The following CENPP variants were observed in gnomAD, a reference collection of about 807,000 sequenced individuals.
CENPP encodes centromere protein P.
CENPP carries 24 observed loss-of-function variants against 35.6 expected under a neutral mutation model. The ratio of observed to expected loss-of-function variants is 0.67; its 90% CI spans 0.49 to 0.95. The LOEUF is 0.95. Ranked by LOEUF, CENPP falls within the 40% of genes least tolerant of loss-of-function variation. CENPP has a pLI of 0.00. For synonymous variants in CENPP, 120 were observed against 125.5 expected (o/e 0.96, Z 0.29); for missense variants, 332 against 345.3 (o/e 0.96, Z 0.31).
At chr9:92,535,197 TCTAAA>T (rs1202713230) in intron 5 of CENPP, among the ~76,000 whole-genome samples, 4 of 152,230 alleles carry the variant, frequency 2.6e-5, no homozygotes, top group African/African-American at 9.6e-5. Context: ...AAAATCAGTA[TCTAAA>T]CAGTCTCACT....
At chr9:92,442,354 C>T (rs150357744) in intron 5 of CENPP, among the ~76,000 whole-genome samples, 3,794 of 142,560 alleles carry the variant, frequency 0.027, 97 homozygotes, top group South Asian at 0.13. Context: ...GCCGAGGTCG[C>T]GCCATTGCAC....
chr9:92,411,784 C>T (rs1225443605), intron 5 of CENPP, among the ~76,000 whole-genome samples: 1 of 152,164 alleles, frequency 6.6e-6, no homozygotes, highest in Non-Finnish European at 1.5e-5. Flanking sequence ...TTTATATTAA[C>T]CCCAGTCAGG....
At chr9:92,425,806 C>CTGTTAGTGTTTTCTGTTAGTGT (rs1564314418) in intron 5 of CENPP, among the ~76,000 whole-genome samples, 1 of 152,174 alleles carries the variant, frequency 6.6e-6, no homozygotes, top group Non-Finnish European at 1.5e-5. Flanking sequence ...CTGATCTTTT[C>CTGTTAGTGTTTTCTGTTAGTGT]CATATGTTTT....
rs1017447535 is a variant in CENPP at position 92,566,306 on chromosome 9, A to G, written c.565-45008A>G. 2.6e-5 allele frequency among the ~76,000 whole-genome samples: 4 copies of G among 151,984 alleles called. No homozygotes were observed. The East Asian group carries it at 7.7e-4, about 29-fold the overall frequency. On this transcript the variant is annotated intron_variant, in intron 5 of 7. Transcript: ENST00000375587. ...CAGAGTGAGTCTCCATCTCAAAAAA[A>G]AAAAACAAAAACACAAAAAGACATA...
chr9:92,611,402 G>A lies in CENPP; in HGVS notation c.644+9G>A, dbSNP rs1258614121. 1 of 1,609,736 alleles carries A rather than the reference G, an allele frequency of 6.2e-7. No homozygotes were observed. The highest frequency in any genetic ancestry group is 1.3e-5 in the African/African-American group (1 of 74,980). ...AGCGCCAGCCGGCCAGGGTGAGCCTGCACAGGCCATGGGGCCTCCCATTTC... is the reference window on the plus strand; with the variant it reads ...AGCGCCAGCCGGCCAGGGTGAGCCTACACAGGCCATGGGGCCTCCCATTTC... On this transcript the variant is annotated intron_variant, in intron 6 of 7. Coordinates refer to ENST00000375587, the MANE Select transcript of CENPP (RefSeq NM_001012267.3).
At chr9:92,611,180 T>C (rs1851229858) in intron 5 of CENPP, 134 bp from the exon 6 acceptor site, 3 of 707,510 alleles carry the variant, frequency 4.2e-6, no homozygotes. Flanking sequence ...GAGGGGCGGT[T>C]GGCACCCATG....
chr9:92,436,319 T>C (rs1055213419), intron 5 of CENPP, among the ~76,000 whole-genome samples: 3 of 152,244 alleles, frequency 2.0e-5, no homozygotes, highest in African/African-American at 7.2e-5. Context: ...TTGTAGGATA[T>C]GTAGTTTGCA....
intron 5 of CENPP, among the ~76,000 whole-genome samples, chr9:92,434,818 G>A (rs1216371553): frequency 2.0e-5 from 3 of 152,110 alleles, no homozygotes; most frequent in African/African-American, 4.8e-5. Context: ...TGAAGCGGAC[G>A]GATCACCTGA....
Position 92,346,855 on chromosome 9 carries a change from A to G in CENPP, c.467+1068A>G, listed in dbSNP as rs539707563. ...AGGGATTAGAGGTCATTCACAGGGGATAACTCTTTGATTATGGTGGTCCCG... is the reference window on the plus strand; with the variant it reads ...AGGGATTAGAGGTCATTCACAGGGGGTAACTCTTTGATTATGGTGGTCCCG... On this transcript the variant is annotated intron_variant, in intron 4 of 7. Coordinates refer to ENST00000375587, the MANE Select transcript of CENPP (RefSeq NM_001012267.3). Among the ~76,000 whole-genome samples the G allele has an allele frequency of 2.0e-5, 3 of 152,300 alleles. No individual in the cohort carries two copies. The South Asian group carries it at 6.2e-4, about 32-fold the overall frequency.
intron 5 of CENPP, chr9:92,610,977 G>A (rs534035263): frequency 3.5e-5 from 13 of 374,774 alleles, no homozygotes; most frequent in African/African-American, 1.1e-4. Context: ...TCTCCAGACC[G>A]TCTGGGTTGT....
At chr9:92,345,988 T>C (rs574349402) in intron 4 of CENPP, among the ~76,000 whole-genome samples, 2 of 152,320 alleles carry the variant, frequency 1.3e-5, no homozygotes, top group South Asian at 4.1e-4. Flanking sequence ...ACATTCACTA[T>C]GTGCTGGGTA....
chr9:92,426,742 G>A (rs1422756927), intron 5 of CENPP, among the ~76,000 whole-genome samples: 1 of 152,166 alleles, frequency 6.6e-6, no homozygotes, highest in Non-Finnish European at 1.5e-5. Flanking sequence ...GTGAGGTGGT[G>A]ACAGTGATTC....
chr9:92,365,731 T>C (rs1280592422), intron 4 of CENPP, among the ~76,000 whole-genome samples: 2 of 151,980 alleles, frequency 1.3e-5, no homozygotes, highest in Admixed American at 1.3e-4. Context: ...CTTATCCTCA[T>C]GTAAATTATA....
chr9:92,392,766 TC>T (rs1188026609), intron 5 of CENPP, among the ~76,000 whole-genome samples: 1 of 152,204 alleles, frequency 6.6e-6, no homozygotes, highest in Admixed American at 6.5e-5. Flanking sequence ...TGGAGAAGCA[TC>T]CCAGTTATAT....
intron 5 of CENPP, among the ~76,000 whole-genome samples, chr9:92,541,759 G>A (rs945540928): frequency 6.6e-6 from 1 of 151,824 alleles, no homozygotes; most frequent in African/African-American, 2.4e-5. Context: ...GTAAACATGG[G>A]AGTTCAGTTG....
intron 5 of CENPP, chr9:92,517,400 G>C (rs1847795804): frequency 1.8e-6 from 1 of 566,258 alleles, no homozygotes; most frequent in Non-Finnish European, 3.1e-6. Flanking sequence ...ATCTGTTGTA[G>C]AAATTCTGTT....
intron 5 of CENPP, among the ~76,000 whole-genome samples, chr9:92,388,903 T>A (rs1235486319): frequency 1.3e-5 from 2 of 151,954 alleles, no homozygotes; most frequent in Non-Finnish European, 2.9e-5. Flanking sequence ...CTGAGTTCCT[T>A]ATAAGAAACA....
rs56189846 is a variant in CENPP at position 92,572,513 on chromosome 9, C to T, written c.565-38801C>T. Among the ~76,000 whole-genome samples the T allele has an allele frequency of 2.0e-3, 301 of 152,302 alleles. 1 individual carries two copies. The highest frequency in any genetic ancestry group is 0.01 in the Middle Eastern group (3 of 294). On this transcript the variant is annotated intron_variant, in intron 5 of 7. Transcript: ENST00000375587. ...GTAACCCGACCTTTCTCTCTGGCTG[C>T]TCTTAACATTTTTTCCTTCATTTCA...
In CENPP at chr9:92,490,517, C is replaced by T. The variant is rs10992353; in HGVS notation, c.564+110658C>T. Among the ~76,000 whole-genome samples the T allele has an allele frequency of 2.1e-3, 322 of 152,296 alleles. 2 individuals are homozygous for T. The East Asian group carries it at 0.054, about 26-fold the overall frequency. ...TCTGTAAATGTTTCTGCCATGAGGACATTTTCTATCCTTTTTCTAAATAAG... is the reference window on the plus strand; with the variant it reads ...TCTGTAAATGTTTCTGCCATGAGGATATTTTCTATCCTTTTTCTAAATAAG... On this transcript the variant is annotated intron_variant, in intron 5 of 7. Coordinates refer to ENST00000375587, the MANE Select transcript of CENPP (RefSeq NM_001012267.3).
Sources: allele counts gnomAD v4.1 joint callset (sites outside exome capture counted in the v4.1 genomes callset), GRCh38; gene constraint gnomAD v4.1.1; transcripts MANE v1.5; gene names NCBI Gene and HGNC (gene_info 2026-07-23, HGNC 2026-07-21).